The following SYTL2 variants were observed in gnomAD, a reference collection of about 807,000 sequenced individuals.
SYTL2 encodes the protein synaptotagmin like 2.
A neutral mutation model predicts 198.7 loss-of-function variants in SYTL2; 165 were observed. That is an observed-to-expected ratio of 0.83 (90% confidence interval 0.73 to 0.94). SYTL2 has a LOEUF of 0.94. SYTL2 is among the 40% of genes least tolerant of loss of function. The pLI is 0.00. For missense variants in SYTL2, 2,835 were observed against 2,582.8 expected (o/e 1.10, Z -2.12); for synonymous variants, 966 against 917.7 (o/e 1.05, Z -0.95).
chr11:85,694,676 T>A lies in SYTL2; in HGVS notation c.*519A>T, dbSNP rs1189440002. ...TTGCCCTAATATGGAATTCCATATT[T>A]TATTAGAGATTACAGAGTAAATAGT... On this transcript the variant is annotated 3_prime_UTR_variant, in exon 20 of 20. Transcript: ENST00000359152. 6.6e-6 allele frequency: 1 copy of A among 151,640 alleles called. No homozygotes were observed. Among genetic ancestry groups the A allele is most frequent in the African/African-American group, 2.4e-5 (1 of 41,240 alleles). 9.4% of individuals were successfully genotyped at this position (151,640 alleles called of 1,614,324 possible).
At chr11:85,833,168 AAAG>A in the SYTL2 span, among the ~76,000 whole-genome samples, 2,916 of 142,818 alleles carry the variant, frequency 0.02, 191 homozygotes, top group Non-Finnish European at 0.034. Flanking sequence ...AGAAAGAAAG[AAAG>A]AAAGAAAGAA....
intron 1 of SYTL2, among the ~76,000 whole-genome samples, chr11:85,770,938 C>T (rs541047994): frequency 1.3e-5 from 2 of 152,224 alleles, no homozygotes; most frequent in Non-Finnish European, 2.9e-5. Context: ...ATACAAGTTA[C>T]TTAGCTTCCC....
rs2090134471 is a variant in SYTL2, at chr11:85,734,398, T to A, written c.931A>T (p.Ile311Phe). ...VSPGLTIHERISEKEHSLEDN... is the reference protein window; with the variant it reads ...VSPGLTIHERFSEKEHSLEDN... ...TCTAAAGAATGCTCCTTCTCAGAAA[T>A]TCTCTCATGGATGGTTAGGCCAGGT... is the stretch of plus-strand genomic sequence containing the variant. Residue 311 changes from isoleucine to phenylalanine, a missense_variant, in exon 7 of 20, where the codon ATT becomes TTT. Ile to Phe is a conservative substitution (Grantham distance 21). This residue lies in a region of SYTL2 where 2,645 missense variants were observed against 2,381.7 expected (regional missense o/e 1.11). Coordinates refer to ENST00000359152, the MANE Select transcript of SYTL2 (RefSeq NM_206927.4). The A allele has an allele frequency of 6.2e-7, 1 of 1,614,178 alleles. No homozygotes were observed. The highest frequency in any genetic ancestry group is 1.1e-5 in the South Asian group (1 of 91,088).
chr11:85,823,605 T>C, the SYTL2 span, among the ~76,000 whole-genome samples: 4 of 152,346 alleles, frequency 2.6e-5, no homozygotes, highest in South Asian at 8.3e-4. Context: ...TTTAAAACAC[T>C]TGTGGTCAAT....
Position 85,752,917 on chromosome 11 carries a change from TAAAAAAAAAAAAAAAAA to T in SYTL2, c.102-4511_102-4495del, listed in dbSNP as rs1162431708. Among the ~76,000 whole-genome samples the T allele has an allele frequency of 2.0e-3, 35 of 17,730 alleles. No individual in the cohort carries two copies. In the East Asian group the frequency reaches 0.021, roughly 11 times the overall value. The allele number at this position is 17,730 out of a possible 152,430, so 11.6% of individuals were successfully genotyped here. On this transcript the variant is annotated intron_variant, in intron 2 of 19. Transcript: ENST00000359152. The stretch of plus-strand genomic sequence containing the variant: ...GTCCTTCAATGACAACTGCCTTCAT[TAAAAAAAAAAAAAAAAA>T]AAAAAAAAAAAAAAAAACACAACTA...
intron 2 of SYTL2, 37 bp downstream of exon 2, chr11:85,757,588 T>A (rs575617219): frequency 6.2e-7 from 1 of 1,608,466 alleles, no homozygotes; most frequent in South Asian, 1.1e-5. Flanking sequence ...GACTGCCTCT[T>A]CCTTCCCTCA....
chr11:85,790,999 A>G (rs1221036373), intron 1 of SYTL2, among the ~76,000 whole-genome samples: 1 of 151,568 alleles, frequency 6.6e-6, no homozygotes, highest in Non-Finnish European at 1.5e-5. Flanking sequence ...CCTCGTTTCT[A>G]CTAAAAATAC....
the SYTL2 span, among the ~76,000 whole-genome samples, chr11:85,833,047 G>A: frequency 3.8e-5 from 1 of 26,196 alleles, no homozygotes; most frequent in African/African-American, 1.6e-4. Flanking sequence ...AAGAAAGAAA[G>A]AAAGAAAGAA....
At position 85,714,486 on chromosome 11, in the gene SYTL2, G is replaced by A. The variant is rs755350680; in HGVS notation, c.5552C>T (p.Pro1851Leu). ...VPRISTVPTQ[P>L]DNPFSHPDKL... is the part of the protein sequence containing the mutation. ...GTCAGGGTGAGAAAATGGATTATCA[G>A]GTTGTGTAGGCACTGTGGAAACTAA... Residue 1851 changes from proline to leucine, a missense_variant, in exon 12 of 20, where the codon CCT (proline) becomes CTT (leucine). This residue lies in a region of SYTL2 where 2,645 missense variants were observed against 2,381.7 expected (regional missense o/e 1.11). Transcript: ENST00000359152. The A allele has an allele frequency of 6.2e-7, 1 of 1,613,400 alleles. No homozygotes were observed. Among genetic ancestry groups the A allele is most frequent in the Non-Finnish European group, 8.5e-7 (1 of 1,179,444 alleles).
Position 85,725,271 on chromosome 11 carries a change from G to A in SYTL2, c.4087C>T (p.Pro1363Ser). 1.2e-6 allele frequency: 2 copies of A among 1,614,116 alleles called. No homozygotes were observed. The highest frequency in any genetic ancestry group is 1.3e-5 in the African/African-American group (1 of 75,014). ...CTTACATCATTCAATACAGGTCTGG[G>A]TGGAAGAATGACTTTCTCTACAGTC... ...SETVEKVILP[P>S]RPVLNDVSAA... Residue 1363 changes from proline to serine, a missense_variant, in exon 8 of 20, where the codon CCC (proline) becomes TCC (serine). Transcript: ENST00000359152.
chr11:85,796,731 A>G (rs1234888668), intron 1 of SYTL2, among the ~76,000 whole-genome samples: 1 of 152,206 alleles, frequency 6.6e-6, no homozygotes, highest in Admixed American at 6.5e-5. Context: ...CAATCTATAC[A>G]CAGGATGGCA....
In SYTL2 at chr11:85,725,917, T is replaced by G. The variant is rs1223718451; in HGVS notation, c.3441A>C (p.Ala1147=). The G allele has an allele frequency of 3.7e-6, 6 of 1,614,016 alleles. No homozygotes were observed. Among genetic ancestry groups the G allele is most frequent in the Non-Finnish European group, 5.1e-6 (6 of 1,180,006 alleles). ...GAACTTTTCCACCAGAGGGTTGAAT[T>G]GCTGGTGTTGAGGTTTCTGAAAGCA... ...QKLLSETSTP[A]IQPSGGKVHG... The change falls in exon 8 of 20, where the codon GCA becomes GCC. Residue 1147 remains alanine (A), a synonymous_variant. Transcript: ENST00000359152.
At chr11:85,729,541 A>G (rs1183615766) in intron 7 of SYTL2, among the ~76,000 whole-genome samples, 3 of 152,234 alleles carry the variant, frequency 2.0e-5, no homozygotes, top group East Asian at 3.8e-4. Context: ...TTTGAAACCA[A>G]TGAGAATAAA....
intron 1 of SYTL2, among the ~76,000 whole-genome samples, chr11:85,803,086 T>G (rs1021750201): frequency 8.5e-5 from 13 of 152,214 alleles, no homozygotes; most frequent in African/African-American, 3.1e-4. Flanking sequence ...CAAAATCATC[T>G]GCTATAACCA....
chr11:85,728,289 T>A (rs1468535597), intron 7 of SYTL2, among the ~76,000 whole-genome samples: 1 of 152,140 alleles, frequency 6.6e-6, no homozygotes, highest in Non-Finnish European at 1.5e-5. Flanking sequence ...TTACATTTTA[T>A]TTTATTATTT....
intron 2 of SYTL2, among the ~76,000 whole-genome samples, chr11:85,752,939 AAAAAAAAAAAAAC>A (rs2091616357): frequency 7.0e-6 from 1 of 142,486 alleles, no homozygotes; most frequent in African/African-American, 2.7e-5. Context: ...AAAAAAAAAA[AAAAAAAAAAAAAC>A]ACAACTAGGT....
chr11:85,826,731 C>A, the SYTL2 span, among the ~76,000 whole-genome samples: 1 of 152,314 alleles, frequency 6.6e-6, no homozygotes, highest in East Asian at 1.9e-4. Flanking sequence ...CTCCCTTCAG[C>A]CTGGAGGTGG....
At position 85,738,422 on chromosome 11, in the gene SYTL2, G is replaced by A. The variant is rs917303588; in HGVS notation, c.390-766C>T. Among the ~76,000 whole-genome samples, 15 of 152,164 alleles carry A rather than the reference G, an allele frequency of 9.9e-5. 1 individual carries two copies. Among genetic ancestry groups the A allele is most frequent in the Middle Eastern group, 6.8e-3 (2 of 294 alleles). ...AAATACAGCCTGATTACATAGAGGC[G>A]AGAAAGGGGGAAAATAGAGGATGGG... On this transcript the variant is annotated intron_variant, in intron 4 of 19. Transcript: ENST00000359152.
the SYTL2 span, among the ~76,000 whole-genome samples, chr11:85,846,658 C>T: frequency 1.3e-5 from 2 of 151,398 alleles, no homozygotes; most frequent in African/African-American, 4.9e-5. Flanking sequence ...AACTCCTGAC[C>T]TTAGGTGATC....
Sources: gnomAD v4.1 joint callset for allele counts (sites outside exome capture counted in the v4.1 genomes callset) on GRCh38, gnomAD v4.1.1 for gene constraint, gnomAD v4.1.1 regional missense constraint, MANE v1.5 for transcripts, NCBI Gene and HGNC (gene_info 2026-07-23, HGNC 2026-07-21) for gene names.